The following ARSB variants were observed in gnomAD, a reference collection of about 807,000 sequenced individuals.
The protein encoded by ARSB is N-acetylgalactosamine-4-sulfatase.
In ARSB, 41 loss-of-function variants were observed where a neutral mutation model predicts 50.9. That is an observed-to-expected ratio of 0.81 (90% CI 0.63 to 1.04). The LOEUF is 1.04. Among genes scored for constraint, ARSB ranks in the 50% least tolerant of loss-of-function variants. The probability of loss-of-function intolerance (pLI) is 0.00; values close to 1 mark genes in which losing one functional copy is unlikely to be tolerated. For synonymous variants in ARSB, 269 were observed against 284.8 expected (o/e 0.94, Z 0.56); for missense variants, 672 against 693.3 (o/e 0.97, Z 0.35).
At chr5:78,926,062 T>C (rs368483884) in intron 4 of ARSB, among the ~76,000 whole-genome samples, 7 of 152,160 alleles carry the variant, frequency 4.6e-5, no homozygotes, top group African/African-American at 1.4e-4. Context: ...TTGAACTATA[T>C]AGTTTCTAAT....
intron 4 of ARSB, among the ~76,000 whole-genome samples, chr5:78,934,551 A>G (rs1219010196): frequency 6.6e-6 from 1 of 152,204 alleles, no homozygotes; most frequent in Non-Finnish European, 1.5e-5. Flanking sequence ...TTACTTTGGA[A>G]GGCCAAGGCA....
intron 4 of ARSB, among the ~76,000 whole-genome samples, chr5:78,901,384 T>C (rs1022269828): frequency 6.6e-6 from 1 of 152,136 alleles, no homozygotes; most frequent in African/African-American, 2.4e-5. Context: ...AATTTTCAAA[T>C]AGAAGAACAG....
intron 4 of ARSB, among the ~76,000 whole-genome samples, chr5:78,898,841 T>C (rs898569785): frequency 8.5e-5 from 13 of 152,260 alleles, no homozygotes; most frequent in African/African-American, 2.9e-4. Context: ...GTGGATTGCA[T>C]ACCAGCAATA....
intron 7 of ARSB, among the ~76,000 whole-genome samples, chr5:78,781,541 A>G (rs1333323728): frequency 1.3e-5 from 2 of 152,104 alleles, no homozygotes; most frequent in African/African-American, 4.8e-5. Flanking sequence ...TGGGAAAAGA[A>G]AACCCTGAAT....
intron 4 of ARSB, among the ~76,000 whole-genome samples, chr5:78,895,259 AAGG>A (rs1166393001): frequency 2.0e-5 from 3 of 152,208 alleles, no homozygotes; most frequent in African/African-American, 7.2e-5. Context: ...AGAAGGAGGA[AAGG>A]AGAAGAAAAG....
intron 4 of ARSB, among the ~76,000 whole-genome samples, chr5:78,953,282 A>G (rs1159716957): frequency 6.6e-6 from 1 of 152,248 alleles, no homozygotes; most frequent in Non-Finnish European, 1.5e-5. Flanking sequence ...ATGAGGTCCT[A>G]TGAGAACACT....
intron 6 of ARSB, among the ~76,000 whole-genome samples, chr5:78,820,996 T>G (rs1000370458): frequency 1.3e-5 from 2 of 149,464 alleles, no homozygotes; most frequent in East Asian, 3.9e-4. Flanking sequence ...AAAAAAAGTA[T>G]TGTACACACC....
At chr5:78,877,988 A>G (rs1161626839) in intron 5 of ARSB, among the ~76,000 whole-genome samples, 1 of 152,228 alleles carries the variant, frequency 6.6e-6, no homozygotes, top group African/African-American at 2.4e-5. Context: ...TGAAAAATAC[A>G]TTGCATGAAA....
intron 5 of ARSB, among the ~76,000 whole-genome samples, chr5:78,868,186 T>C (rs1271985863): frequency 2.1e-5 from 3 of 140,808 alleles, no homozygotes; most frequent in Non-Finnish European, 3.1e-5. Flanking sequence ...CTACGTCTGA[T>C]TGGTGTACCT....
chr5:78,949,342 G>C (rs193259369), intron 4 of ARSB, among the ~76,000 whole-genome samples: 13 of 152,280 alleles, frequency 8.5e-5, no homozygotes, highest in Admixed American at 2.0e-4. Flanking sequence ...AACATTTATT[G>C]ATTTGAATGC....
intron 4 of ARSB, among the ~76,000 whole-genome samples, chr5:78,939,599 A>C (rs573805600): frequency 1.3e-5 from 2 of 152,180 alleles, no homozygotes; most frequent in Non-Finnish European, 2.9e-5. Context: ...GTGTCCCTAT[A>C]AAGGACATGA....
intron 4 of ARSB, among the ~76,000 whole-genome samples, chr5:78,942,754 C>T (rs1310179679): frequency 6.6e-6 from 1 of 152,096 alleles, no homozygotes; most frequent in East Asian, 1.9e-4. Context: ...AATGTATATT[C>T]TGTTGATTTG....
intron 5 of ARSB, among the ~76,000 whole-genome samples, chr5:78,847,077 T>C (rs1350254714): frequency 6.6e-6 from 1 of 152,212 alleles, no homozygotes; most frequent in African/African-American, 2.4e-5. Context: ...TGTTGAACCA[T>C]TCTTGCAACT....
intron 4 of ARSB, among the ~76,000 whole-genome samples, chr5:78,945,717 A>T (rs1751198544): frequency 6.6e-6 from 1 of 151,912 alleles, no homozygotes; most frequent in Non-Finnish European, 1.5e-5. Flanking sequence ...GCTGCTCTCC[A>T]CCTTGCAGTC....
At chr5:78,899,805 C>T (rs1748719904) in intron 4 of ARSB, among the ~76,000 whole-genome samples, 3 of 152,102 alleles carry the variant, frequency 2.0e-5, no homozygotes, top group Admixed American at 1.3e-4. Flanking sequence ...GTCGCCATCT[C>T]GTTAGGGTCA....
At chr5:78,906,670 C>T (rs1022920191) in intron 4 of ARSB, among the ~76,000 whole-genome samples, 11 of 152,054 alleles carry the variant, frequency 7.2e-5, no homozygotes, top group African/African-American at 2.4e-4. Context: ...TTGCAGTTTT[C>T]GAAAACCTCA....
chr5:78,910,082 A>C (rs1476478754), intron 4 of ARSB, among the ~76,000 whole-genome samples: 2 of 152,188 alleles, frequency 1.3e-5, no homozygotes, highest in Non-Finnish European at 2.9e-5. Flanking sequence ...CTTATTTGTG[A>C]CACAGATTCC....
At chr5:78,787,179 C>T (rs1749112488) in intron 6 of ARSB, among the ~76,000 whole-genome samples, 1 of 151,224 alleles carries the variant, frequency 6.6e-6, no homozygotes, top group Admixed American at 6.6e-5. Context: ...TGGTCTCTAG[C>T]TCCTGGCCTC....
chr5:78,905,344 G>GTTTTTTTTTT (rs60622885), intron 4 of ARSB, among the ~76,000 whole-genome samples: 4,809 of 130,312 alleles, frequency 0.037, 324 homozygotes, highest in Non-Finnish European at 0.049. Flanking sequence ...GTATTTTCCT[G>GTTTTTTTTTT]TTTTTTTTTT....
Sources: allele counts gnomAD v4.1 joint callset (sites outside exome capture counted in the v4.1 genomes callset), GRCh38; gene constraint gnomAD v4.1.1; transcripts MANE v1.5; gene names NCBI Gene and HGNC (gene_info 2026-07-23, HGNC 2026-07-21).